The following ROPN1 variants were observed in gnomAD, a reference collection of about 807,000 sequenced individuals.
The protein encoded by ROPN1 is ropporin-1A.
ROPN1 carries 14 observed loss-of-function variants against 20.5 expected under a neutral mutation model. The observed-to-expected ratio is 0.68, with a 90% CI of 0.45 to 1.07. The LOEUF (loss-of-function observed/expected upper bound fraction) is 1.07. ROPN1 is among the 50% of genes least tolerant of loss of function. The pLI is 0.00. For missense variants in ROPN1, 169 were observed against 242.8 expected (o/e 0.70, Z 2.02); for synonymous variants, 76 against 95.7 (o/e 0.79, Z 1.20).
chr3:123,974,414 C>G (rs2037977269), intron 4 of ROPN1: 1 of 152,128 alleles, frequency 6.6e-6, no homozygotes, highest in Non-Finnish European at 1.5e-5. Flanking sequence ...CACAAATGTC[C>G]TCTTGTTTAC....
At chr3:123,971,681 G>A (rs1425251604) in intron 4 of ROPN1, among the ~76,000 whole-genome samples, 1 of 152,132 alleles carries the variant, frequency 6.6e-6, no homozygotes, top group Non-Finnish European at 1.5e-5. Flanking sequence ...ATGGTTTGGG[G>A]TAGATTTGCA....
chr3:123,986,535 G>A (rs1309007309), intron 1 of ROPN1, among the ~76,000 whole-genome samples: 4 of 152,086 alleles, frequency 2.6e-5, no homozygotes, highest in Admixed American at 6.5e-5. Flanking sequence ...TGGTTGCTTA[G>A]GGTGGAGGAG....
chr3:123,971,468 AT>A (rs1279557731), intron 4 of ROPN1, among the ~76,000 whole-genome samples: 3 of 152,242 alleles, frequency 2.0e-5, no homozygotes, highest in Non-Finnish European at 4.4e-5. Context: ...GTCAAAAAAA[AT>A]TGAGTTTGAG....
intron 4 of ROPN1, 51 bp from the exon 5 acceptor site, chr3:123,970,268 C>G: frequency 1.3e-6 from 2 of 1,533,274 alleles, no homozygotes; most frequent in African/African-American, 1.4e-5. Context: ...AGGCAATATT[C>G]CTGAGATCGG....
intron 1 of ROPN1, among the ~76,000 whole-genome samples, chr3:123,990,715 A>G (rs1411991276): frequency 6.6e-6 from 1 of 152,122 alleles, no homozygotes; most frequent in Non-Finnish European, 1.5e-5. Flanking sequence ...TACATTCCAG[A>G]GCTTATCCAT....
intron 1 of ROPN1, among the ~76,000 whole-genome samples, chr3:123,983,307 A>G (rs1310618745): frequency 2.0e-5 from 3 of 151,898 alleles, no homozygotes; most frequent in Non-Finnish European, 2.9e-5. Flanking sequence ...GATGGATCAT[A>G]TGGTAATTGT....
intron 4 of ROPN1, among the ~76,000 whole-genome samples, chr3:123,971,761 A>G (rs1288969772): frequency 6.6e-6 from 1 of 152,182 alleles, no homozygotes; most frequent in East Asian, 1.9e-4. Context: ...ACAAATGAAC[A>G]AAAACAACCC....
chr3:123,971,052 T>C (rs1577361447), intron 4 of ROPN1, among the ~76,000 whole-genome samples: 1 of 130,006 alleles, frequency 7.7e-6, no homozygotes, highest in African/African-American at 3.2e-5. Context: ...GATGTACGGA[T>C]CATCCTGACA....
intron 2 of ROPN1, among the ~76,000 whole-genome samples, chr3:123,978,478 A>C (rs1271733743): frequency 2.0e-5 from 3 of 152,146 alleles, no homozygotes; most frequent in African/African-American, 7.2e-5. Context: ...GTAATCATGG[A>C]TTTCGTTCTT....
In ROPN1 at chr3:123,989,748, C is replaced by A. The variant is rs2038355757; in HGVS notation, c.-13+2174G>T. On this transcript the variant is annotated intron_variant, in intron 1 of 5. Coordinates refer to ENST00000405845, the MANE Select transcript of ROPN1 (RefSeq NM_001317774.2). ...ATAGCAGAGTGCTGTCAGTGAGTTACCTTTTAGTGAATGGCTTCTCTGGTG... is the reference window on the plus strand; with the variant it reads ...ATAGCAGAGTGCTGTCAGTGAGTTAACTTTTAGTGAATGGCTTCTCTGGTG... Among the ~76,000 whole-genome samples, 3 of 152,106 alleles carry A rather than the reference C, an allele frequency of 2.0e-5. No individual in the cohort carries two copies. The South Asian group carries it at 6.2e-4, about 32-fold the overall frequency.
intron 1 of ROPN1, chr3:123,980,785 AC>A (rs1190131759): frequency 1.3e-5 from 4 of 304,090 alleles, no homozygotes; most frequent in East Asian, 5.6e-5. Context: ...TAATGATATC[AC>A]CCCCCAAAAT....
intron 4 of ROPN1, among the ~76,000 whole-genome samples, chr3:123,974,160 A>G (rs2037969416): frequency 6.6e-6 from 1 of 152,196 alleles, no homozygotes; most frequent in Non-Finnish European, 1.5e-5. Flanking sequence ...AGAAGATCCA[A>G]ATTAACTACA....
rs1559820220 is a variant in ROPN1, at chr3:123,970,046, C to G, written c.568G>C (p.Glu190Gln). The part of the protein sequence containing the change: ...VSRMLNYMEQ[E>Q]VIGPDGIITV... ...ACTTGACAAAAGTTAACTTACACTT[C>G]CTGTTCCATGTAGTTTAGCATCCTG... Residue 190 changes from glutamate (E) to glutamine (Q), a missense_variant, in exon 5 of 6, where the codon GAA (glutamate) becomes CAA (glutamine). Transcript: ENST00000405845. 1.9e-6 allele frequency: 3 copies of G among 1,613,564 alleles called. No homozygotes were observed. The highest frequency in any genetic ancestry group is 2.5e-6 in the Non-Finnish European group (3 of 1,179,890).
chr3:123,971,079 T>C (rs2037905890), intron 4 of ROPN1, among the ~76,000 whole-genome samples: 1 of 152,176 alleles, frequency 6.6e-6, no homozygotes, highest in African/African-American at 2.4e-5. Flanking sequence ...CAGGGATCAG[T>C]GAAAGATCAG....
Position 123,977,056 on chromosome 3 carries a change from C to T in ROPN1, c.117-75G>A, listed in dbSNP as rs1003731903. ...TCTGGCTGTTCTAGCAATCCTTCCA[C>T]CTTCTTCTGAGGGAAGGAGGTAGAG... On this transcript the variant is annotated intron_variant, in intron 2 of 5. Coordinates refer to ENST00000405845, the MANE Select transcript of ROPN1 (RefSeq NM_001317774.2). 8 of 1,447,282 alleles carry T rather than the reference C, an allele frequency of 5.5e-6. No homozygotes were observed. The African/African-American group carries it at 8.8e-5, about 16-fold the overall frequency. The allele number at this position is 1,447,282 out of a possible 1,614,324, so 89.7% of individuals were successfully genotyped here.
chr3:123,991,335 GC>G (rs764128678), intron 1 of ROPN1: 4 of 105,398 alleles, frequency 3.8e-5, no homozygotes, highest in Non-Finnish European at 5.7e-5. Context: ...ATGCGTGATA[GC>G]AGTCTATGAA....
intron 4 of ROPN1, among the ~76,000 whole-genome samples, chr3:123,970,509 A>C (rs1223456702): frequency 6.6e-6 from 1 of 152,184 alleles, no homozygotes; most frequent in South Asian, 2.1e-4. Flanking sequence ...AGCCCGAATA[A>C]CCTCACTAAA....
chr3:123,970,438 G>C (rs1292816759), intron 4 of ROPN1, among the ~76,000 whole-genome samples: 4 of 152,120 alleles, frequency 2.6e-5, no homozygotes, highest in African/African-American at 9.7e-5. Context: ...TTCTTTGTTG[G>C]AAGACTACTC....
chr3:123,984,130 G>C (rs933461063), intron 1 of ROPN1, among the ~76,000 whole-genome samples: 4 of 152,070 alleles, frequency 2.6e-5, no homozygotes, highest in Admixed American at 2.0e-4. Context: ...CCCCAACTCA[G>C]GTCTTCAGCA....
Sources: gnomAD v4.1 joint callset for allele counts (sites outside exome capture counted in the v4.1 genomes callset) on GRCh38, gnomAD v4.1.1 for gene constraint, MANE v1.5 for transcripts, NCBI Gene and HGNC (gene_info 2026-07-23, HGNC 2026-07-21) for gene names.